The following SIPA1L3 variants were observed in gnomAD, a reference collection of about 807,000 sequenced individuals.
The protein encoded by SIPA1L3 is signal-induced proliferation-associated 1-like protein 3.
Under a neutral mutation model 150.1 loss-of-function variants are expected in SIPA1L3, and 59 were observed. The ratio of observed to expected loss-of-function variants is 0.39; its 90% CI spans 0.32 to 0.49. The LOEUF is 0.49. SIPA1L3 is among the 20% of genes least tolerant of loss of function. The probability of loss-of-function intolerance (pLI) is 0.86; values close to 1 mark genes in which losing one functional copy is unlikely to be tolerated. For missense variants in SIPA1L3, 2,211 were observed against 2,489.5 expected (o/e 0.89, Z 2.38); for synonymous variants, 1,070 against 1,077.6 (o/e 0.99, Z 0.14).
chr19:38,124,104 A>AT (rs1971107150), intron 9 of SIPA1L3, among the ~76,000 whole-genome samples: 1 of 127,328 alleles, frequency 7.9e-6, no homozygotes, highest in Admixed American at 8.0e-5. Flanking sequence ...CGGGGGGCTG[A>AT]CCCCCCACCT....
intron 2 of SIPA1L3, among the ~76,000 whole-genome samples, chr19:38,078,404 A>G (rs1046326598): frequency 1.3e-5 from 2 of 151,718 alleles, no homozygotes; most frequent in South Asian, 2.1e-4. Flanking sequence ...CTGGGCATAA[A>G]TTAGGAAAAG....
chr19:38,134,353 A>T (rs1971382963), intron 10 of SIPA1L3, among the ~76,000 whole-genome samples: 3 of 136,060 alleles, frequency 2.2e-5, no homozygotes, highest in Non-Finnish European at 4.6e-5. Context: ...GTGAGATAGG[A>T]GGTTGAGACT....
chr19:38,050,957 G>T (rs1165029631), intron 2 of SIPA1L3, among the ~76,000 whole-genome samples: 1 of 152,148 alleles, frequency 6.6e-6, no homozygotes, highest in African/African-American at 2.4e-5. Flanking sequence ...TACTCCAGAG[G>T]CTGAGGCGGG....
chr19:38,166,630 C>G (rs1008276944), intron 15 of SIPA1L3, among the ~76,000 whole-genome samples: 1 of 152,058 alleles, frequency 6.6e-6, no homozygotes, highest in African/African-American at 2.4e-5. Context: ...CCTTGGACCC[C>G]CTTAGGGTTC....
chr19:38,080,857 C>G (rs1003627332), intron 2 of SIPA1L3, among the ~76,000 whole-genome samples: 1 of 151,776 alleles, frequency 6.6e-6, no homozygotes, highest in African/African-American at 2.4e-5. Flanking sequence ...GGAATTCCAG[C>G]TACTTGGGAG....
intron 2 of SIPA1L3, among the ~76,000 whole-genome samples, chr19:38,059,934 T>C (rs1654346): frequency 0.37 from 56,324 of 152,018 alleles, 11,601 homozygotes; most frequent in African/African-American, 0.57. Flanking sequence ...GCCACAACAC[T>C]TGGCTAATTT....
intron 1 of SIPA1L3, among the ~76,000 whole-genome samples, chr19:37,923,352 G>T (rs1037174102): frequency 2.0e-5 from 3 of 152,210 alleles, no homozygotes; most frequent in Admixed American, 6.5e-5. Flanking sequence ...CCACACCTAG[G>T]CGCTATGGAG....
Position 38,198,499 on chromosome 19 carries a change from T to C in SIPA1L3, c.4951T>C (p.Ser1651Pro). 6.3e-7 allele frequency: 1 copy of C among 1,593,432 alleles called. No individual in the cohort carries two copies. The highest frequency in any genetic ancestry group is 1.1e-5 in the South Asian group (1 of 88,500). ...TGACACAGCTGCTGGCCTCGAGTGGTCCAGCCTGGTGAACGCAGCCAAGGC... is the reference window on the plus strand; with the variant it reads ...TGACACAGCTGCTGGCCTCGAGTGGCCCAGCCTGGTGAACGCAGCCAAGGC... ...LPDTAAGLEW[S>P]SLVNAAKAYE... Residue 1651 changes from serine to proline, a missense_variant, in exon 19 of 22, where the codon TCC becomes CCC. Physicochemically the swap from Ser to Pro is moderately conservative, Grantham distance 74 (BLOSUM62 -1). This residue lies in a region of SIPA1L3 where 806 missense variants were observed against 870.1 expected (regional missense o/e 0.93). Transcript: ENST00000222345.
intron 1 of SIPA1L3, among the ~76,000 whole-genome samples, chr19:38,025,117 A>G (rs1044909182): frequency 3.3e-5 from 5 of 152,178 alleles, no homozygotes; most frequent in Non-Finnish European, 7.4e-5. Context: ...CAGAAATTGC[A>G]GCAAAATGTC....
chr19:38,163,074 G>A lies in SIPA1L3; in HGVS notation c.3780+703G>A, dbSNP rs542517857. 1.1e-4 allele frequency among the ~76,000 whole-genome samples: 16 copies of A among 152,286 alleles called. No homozygotes were observed. The South Asian group carries it at 1.7e-3, about 16-fold the overall frequency. ...TTCGTTCAGTGGGTGTTTGACAAGC[G>A]CTTACAACACTCCAGGCATTGGGAC... On this transcript the variant is annotated intron_variant, in intron 14 of 21. Transcript: ENST00000222345.
intron 15 of SIPA1L3, among the ~76,000 whole-genome samples, chr19:38,174,665 C>T (rs1254617059): frequency 6.6e-6 from 1 of 152,024 alleles, no homozygotes; most frequent in South Asian, 2.1e-4. Flanking sequence ...GCCTGGCCAA[C>T]ATGATGAAAC....
intron 1 of SIPA1L3, among the ~76,000 whole-genome samples, chr19:37,931,591 A>T (rs12611007): frequency 1.4e-4 from 15 of 106,882 alleles, no homozygotes; most frequent in Non-Finnish European, 2.6e-4. Context: ...TAATAAAAAT[A>T]AAAAAAAAAG....
At chr19:38,097,529 G>C (rs1970406634) in intron 4 of SIPA1L3, among the ~76,000 whole-genome samples, 1 of 152,166 alleles carries the variant, frequency 6.6e-6, no homozygotes, top group Non-Finnish European at 1.5e-5. Flanking sequence ...TTTGCTTTCT[G>C]ATACTTTCTT....
At chr19:37,960,872 A>ATT in intron 1 of SIPA1L3, among the ~76,000 whole-genome samples, 1 of 148,480 alleles carries the variant, frequency 6.7e-6, no homozygotes, top group South Asian at 2.1e-4. Flanking sequence ...AAAAAAATAT[A>ATT]TTTTTTTTTG....
Position 38,162,266 on chromosome 19 carries a change from T to C in SIPA1L3, c.3675T>C (p.His1225=). The C allele has an allele frequency of 6.2e-7, 1 of 1,614,070 alleles. No individual in the cohort carries two copies. The change falls in exon 14 of 22, where the codon CAT becomes CAC. Residue 1225 remains histidine (H), a synonymous_variant. Coordinates refer to ENST00000222345, the MANE Select transcript of SIPA1L3 (RefSeq NM_015073.3). ...GTTTTCCTACAGAGCCTTTGTGGCA[T>C]GTGCCTGCCCAGGCCAGGCTCTCAG... is the stretch of plus-strand genomic sequence containing the variant. ...MERQKPEPLW[H]VPAQARLSAI...
chr19:38,085,631 A>G (rs1363211286), intron 3 of SIPA1L3, among the ~76,000 whole-genome samples: 1 of 152,252 alleles, frequency 6.6e-6, no homozygotes. Flanking sequence ...AAAGTTCGCC[A>G]AGAAATTCTG....
chr19:37,914,995 A>G (rs2046404357), intron 1 of SIPA1L3, among the ~76,000 whole-genome samples: 1 of 152,158 alleles, frequency 6.6e-6, no homozygotes. Context: ...CCTGCATTCT[A>G]AACTCTTCCA....
chr19:38,184,006 A>G (rs1972621822), intron 16 of SIPA1L3, among the ~76,000 whole-genome samples: 1 of 152,164 alleles, frequency 6.6e-6, no homozygotes, highest in African/African-American at 2.4e-5. Context: ...TTTAAAGTGA[A>G]AGAGGAGAGG....
intron 1 of SIPA1L3, among the ~76,000 whole-genome samples, chr19:37,990,429 A>C (rs1443299190): frequency 6.6e-6 from 1 of 152,156 alleles, no homozygotes; most frequent in Non-Finnish European, 1.5e-5. Flanking sequence ...TCGTGGGGTG[A>C]ATACCTGTGG....
Sources: allele counts gnomAD v4.1 joint callset (sites outside exome capture counted in the v4.1 genomes callset), GRCh38; gene constraint gnomAD v4.1.1; regional missense constraint gnomAD v4.1.1; transcripts MANE v1.5; gene names NCBI Gene and HGNC (gene_info 2026-07-23, HGNC 2026-07-21).